The following PTPN13 variants were observed in gnomAD, a reference collection of about 807,000 sequenced individuals.
PTPN13 encodes protein tyrosine phosphatase non-receptor type 13, also known as tyrosine-protein phosphatase non-receptor type 13.
A neutral mutation model predicts 284.0 loss-of-function variants in PTPN13; 191 were observed. That is an observed-to-expected ratio of 0.67 (90% confidence interval 0.60 to 0.76). The LOEUF (loss-of-function observed/expected upper bound fraction) is 0.76, where lower values mean the gene tolerates loss of function less well. Ranked by LOEUF, PTPN13 falls within the 30% of genes least tolerant of loss-of-function variation. The pLI is 0.00. For synonymous variants in PTPN13, 986 were observed against 1,022.3 expected (o/e 0.96, Z 0.68); for missense variants, 2,797 against 2,939.9 (o/e 0.95, Z 1.12).
intron 1 of PTPN13, among the ~76,000 whole-genome samples, chr4:86,612,695 A>C (rs1302821805): frequency 6.6e-6 from 1 of 152,192 alleles, no homozygotes. Context: ...AAAAAAGCCA[A>C]AGAAAAAGGC....
chr4:86,799,248 G>T, intron 42 of PTPN13, 44 bp downstream of exon 42: 1 of 1,237,318 alleles, frequency 8.1e-7, no homozygotes, highest in Non-Finnish European at 1.1e-6. Flanking sequence ...ATAATGAATT[G>T]GAAAAATGTT....
chr4:86,658,540 G>A (rs1049498751), intron 2 of PTPN13, among the ~76,000 whole-genome samples: 1 of 152,012 alleles, frequency 6.6e-6, no homozygotes, highest in Non-Finnish European at 1.5e-5. Context: ...CTACTTCCTG[G>A]TTATTTTTAA....
chr4:86,650,599 A>G (rs761927610), intron 2 of PTPN13, among the ~76,000 whole-genome samples: 1 of 152,182 alleles, frequency 6.6e-6, no homozygotes, highest in African/African-American at 2.4e-5. Context: ...CATTGCACCC[A>G]GCCTGTTTTA....
intron 17 of PTPN13, among the ~76,000 whole-genome samples, chr4:86,747,061 A>G (rs181818218): frequency 3.0e-4 from 46 of 152,358 alleles, no homozygotes; most frequent in Middle Eastern, 6.8e-3. Flanking sequence ...CTAATATTCT[A>G]TTCAGTACAA....
At chr4:86,722,507 A>G (rs1206235442) in intron 10 of PTPN13, 73 bp downstream of exon 10, 2 of 1,273,430 alleles carry the variant, frequency 1.6e-6, no homozygotes, top group Non-Finnish European at 2.3e-6. Flanking sequence ...GTACTTTTAA[A>G]AATTGCTACA....
chr4:86,769,990 C>T lies in PTPN13; in HGVS notation c.4704+7C>T. On this transcript the variant is annotated splice_region_variant and intron_variant, in intron 29 of 47. Transcript: ENST00000411767. ...GAAAGGACTATCTCAGCAGGTGAGC[C>T]CCTAGCATGTGGAGTATAGCATTTT... The T allele has an allele frequency of 1.2e-6, 2 of 1,613,508 alleles. No individual in the cohort carries two copies. Among genetic ancestry groups the T allele is most frequent in the Non-Finnish European group, 1.7e-6 (2 of 1,179,648 alleles).
In PTPN13 at chr4:86,759,078, T is replaced by C; in HGVS notation, c.3553+5T>C. ...CAAAAGAAAAGATATCCAAAGGTAA[T>C]GTGAATGTCTCTTACTTATGTATTC... On this transcript the variant is annotated splice_donor_5th_base_variant and intron_variant, in intron 23 of 47. Transcript: ENST00000411767. 6.2e-7 allele frequency: 1 copy of C among 1,611,594 alleles called. No individual in the cohort carries two copies. The highest frequency in any genetic ancestry group is 2.2e-5 in the East Asian group (1 of 44,824).
At chr4:86,772,296 G>T (rs1423965998) in intron 31 of PTPN13, among the ~76,000 whole-genome samples, 1 of 152,198 alleles carries the variant, frequency 6.6e-6, no homozygotes, top group Non-Finnish European at 1.5e-5. Context: ...GCTCACGTCT[G>T]TAATCCCAGC....
intron 15 of PTPN13, among the ~76,000 whole-genome samples, chr4:86,737,569 A>T (rs550966601): frequency 6.6e-6 from 1 of 152,102 alleles, no homozygotes; most frequent in East Asian, 1.9e-4. Context: ...TCGAATACAT[A>T]AAGCTCCCTC....
chr4:86,677,459 C>T (rs1202160779), intron 3 of PTPN13, among the ~76,000 whole-genome samples: 3 of 151,296 alleles, frequency 2.0e-5, no homozygotes, highest in African/African-American at 7.3e-5. Context: ...GGACTACAGG[C>T]GCATGCCACC....
chr4:86,712,015 C>T lies in PTPN13; in HGVS notation c.1196-4515C>T, dbSNP rs1190611124. On this transcript the variant is annotated intron_variant, in intron 7 of 47. Transcript: ENST00000411767. ...GTCTGATACATTCTAGTTAAAATAC[C>T]AGCCAGGTTTTGTTGGTACTGGGAA... Among the ~76,000 whole-genome samples, 6 of 152,108 alleles carry T rather than the reference C, an allele frequency of 3.9e-5. No homozygotes were observed. In the East Asian group the frequency reaches 7.7e-4, roughly 20 times the overall value.
chr4:86,610,489 A>G (rs1258933041), intron 1 of PTPN13, among the ~76,000 whole-genome samples: 2 of 152,188 alleles, frequency 1.3e-5, no homozygotes, highest in East Asian at 3.8e-4. Context: ...CTGCAGGGGC[A>G]AAAAAGGGGC....
At chr4:86,742,118 A>G (rs1007420945) in intron 16 of PTPN13, among the ~76,000 whole-genome samples, 1 of 152,226 alleles carries the variant, frequency 6.6e-6, no homozygotes, top group African/African-American at 2.4e-5. Context: ...CTAGGGTTGT[A>G]ACTTCTCACA....
Position 86,799,033 on chromosome 4 carries a change from A to T in PTPN13, c.6402-68A>T, listed in dbSNP as rs919869472. 9 of 920,076 alleles carry T rather than the reference A, an allele frequency of 9.8e-6. No homozygotes were observed. In the African/African-American group the frequency reaches 1.5e-4, roughly 16 times the overall value. The allele number at this position is 920,076 out of a possible 1,614,324, so 57.0% of individuals were successfully genotyped here. A position where few individuals can be genotyped will look rare whatever the true frequency, so the allele number is the denominator to read the frequency against. On this transcript the variant is annotated intron_variant, in intron 41 of 47. Coordinates refer to ENST00000411767, the MANE Select transcript of PTPN13 (RefSeq NM_080683.3). The stretch of plus-strand genomic sequence containing the variant: ...TACTATAATAATTGTAGAGAAAATC[A>T]TTCAGGGCCATGTTTAATTTGAGTA...
rs2149236076 is a variant in PTPN13 at position 86,759,027 on chromosome 4, A to T, written c.3507A>T (p.Glu1169Asp). The change falls in exon 23 of 48, where the codon GAA becomes GAT. Residue 1169 changes from glutamate (E) to aspartate (D), a missense_variant. Coordinates refer to ENST00000411767, the MANE Select transcript of PTPN13 (RefSeq NM_080683.3). The part of the protein sequence containing the change: ...AAIEILQNAP[E>D]DVTLVISQPK... Reference sequence around the variant, plus strand: ...TTGAAATTTTGCAAAATGCACCTGAAGATGTGACACTTGTTATCTCTCAGC... The same window carrying T: ...TTGAAATTTTGCAAAATGCACCTGATGATGTGACACTTGTTATCTCTCAGC... The T allele has an allele frequency of 6.2e-7, 1 of 1,613,742 alleles. No homozygotes were observed. Among genetic ancestry groups the T allele is most frequent in the South Asian group, 1.1e-5 (1 of 91,072 alleles).
chr4:86,677,588 C>T (rs138974306), intron 3 of PTPN13, among the ~76,000 whole-genome samples: 2,071 of 151,028 alleles, frequency 0.014, 24 homozygotes, highest in South Asian at 0.028. Context: ...GCTGGGATTA[C>T]AGGCATGAGC....
rs981040916 is a variant in PTPN13, at chr4:86,741,918, G to T, written c.2487+102G>T. The T allele has an allele frequency of 6.4e-6, 6 of 942,064 alleles. No individual in the cohort carries two copies. In the South Asian group the frequency reaches 9.2e-5, roughly 14 times the overall value. The allele number at this position is 942,064 out of a possible 1,614,324, so 58.4% of individuals were successfully genotyped here. Reference sequence around the variant, plus strand: ...TCCTTAGACTCTGCCATTCAGTGGGGATAATACATCTTAATACTATTTAAC... The same window carrying T: ...TCCTTAGACTCTGCCATTCAGTGGGTATAATACATCTTAATACTATTTAAC... On this transcript the variant is annotated intron_variant, in intron 16 of 47. Transcript: ENST00000411767.
In PTPN13 at chr4:86,594,751, C is replaced by T. The variant is rs994826355; in HGVS notation, c.-44C>T. 6.6e-6 allele frequency: 1 copy of T among 152,332 alleles called. No homozygotes were observed. The highest frequency in any genetic ancestry group is 1.5e-5 in the Non-Finnish European group (1 of 68,172). The allele number at this position is 152,332 out of a possible 1,614,324, so 9.4% of individuals were successfully genotyped here. A position where few individuals can be genotyped will look rare whatever the true frequency, so the allele number is the denominator to read the frequency against. On this transcript the variant is annotated 5_prime_UTR_variant, in exon 1 of 48. Transcript: ENST00000411767. ...ACGCCGCGTCCCTGCAGCCCTCGCCCGGCGCTCCAGTAGCAGGACCCGGTC... is the reference window on the plus strand; with the variant it reads ...ACGCCGCGTCCCTGCAGCCCTCGCCTGGCGCTCCAGTAGCAGGACCCGGTC...
rs1017407630 is a variant in PTPN13 at position 86,734,922 on chromosome 4, A to T, written c.2151+47A>T. The T allele has an allele frequency of 7.6e-6, 12 of 1,584,686 alleles. No individual in the cohort carries two copies. In the Admixed American group the frequency reaches 1.9e-4, roughly 24 times the overall value. ...AGGACCATTTTTGTTTGGTGTTGTT[A>T]CCTTTAACATAGTTAATGACTAAAC... On this transcript the variant is annotated intron_variant, in intron 14 of 47. Coordinates refer to ENST00000411767, the MANE Select transcript of PTPN13 (RefSeq NM_080683.3).
Sources: allele counts gnomAD v4.1 joint callset (sites outside exome capture counted in the v4.1 genomes callset), GRCh38; gene constraint gnomAD v4.1.1; transcripts MANE v1.5; gene names NCBI Gene and HGNC (gene_info 2026-07-23, HGNC 2026-07-21).